ZSCAN5C: variants seen among roughly 807,000 people sequenced by gnomAD.
ZSCAN5C encodes zinc finger and SCAN domain-containing protein 5C.
In ZSCAN5C, 11 loss-of-function variants were observed where a neutral mutation model predicts 17.3. The ratio of observed to expected loss-of-function variants is 0.64; its 90% CI spans 0.40 to 1.06. The LOEUF (loss-of-function observed/expected upper bound fraction) is 1.06. ZSCAN5C is among the 50% of genes least tolerant of loss of function. The probability of loss-of-function intolerance (pLI) is 0.00; values close to 1 mark genes in which losing one functional copy is unlikely to be tolerated. For missense variants in ZSCAN5C, 698 were observed against 538.9 expected, an observed-to-expected ratio of 1.30 and a Z score of -2.92; for synonymous variants, 229 against 208.4, an observed-to-expected ratio of 1.10 and a Z score of -0.85.
chr19:56,208,719 G>A (rs1295845454), exon 5 of ZSCAN5C: 20 of 1,612,266 alleles, frequency 1.2e-5, no homozygotes, highest in Non-Finnish European at 1.5e-5. Context: ...CATTCCCCAG[G>A]CCCTGCGGGC....
exon 5 of ZSCAN5C, chr19:56,208,804 T>G: frequency 1.3e-6 from 2 of 1,572,484 alleles, no homozygotes; most frequent in Non-Finnish European, 1.7e-6. Flanking sequence ...GCAAGAGGTT[T>G]AAGTATCGCG....
chr19:56,209,358 C>CG (rs1382174007), downstream of ZSCAN5C: 2 of 488,762 alleles, frequency 4.1e-6, no homozygotes, highest in African/African-American at 2.0e-5. Context: ...TTTTCCTCCC[C>CG]GGGGGAATTT....
At chr19:56,205,950 G>C (rs2032915270) in exon 2 of ZSCAN5C, 1 of 1,367,952 alleles carries the variant, frequency 7.3e-7, no homozygotes, top group South Asian at 1.2e-5. Context: ...GAGTCTAGGA[G>C]AATCCTGCAA....
At chr19:56,207,059 T>C in exon 3 of ZSCAN5C, 1 of 715,864 alleles carries the variant, frequency 1.4e-6, no homozygotes, top group Admixed American at 2.0e-5. Flanking sequence ...CTCTCTATAG[T>C]CTGTAGTCAG....
chr19:56,206,917 C>G (rs1328656513), intron 2 of ZSCAN5C, 142 bp from the exon 3 acceptor site: 8 of 587,448 alleles, frequency 1.4e-5, no homozygotes, highest in Non-Finnish European at 2.1e-5. Flanking sequence ...GAAAAAAGTT[C>G]ACACAGAGCT....
chr19:56,209,371 G>T (rs760524503), downstream of ZSCAN5C: 48 of 504,750 alleles, frequency 9.5e-5, no homozygotes, highest in South Asian at 7.3e-4. Context: ...GGGAATTTTG[G>T]TTTTTGTTTC....
intron 3 of ZSCAN5C, 136 bp from the exon 4 acceptor site, chr19:56,207,898 T>C (rs916678925): frequency 1.2e-5 from 7 of 603,184 alleles, no homozygotes; most frequent in African/African-American, 3.7e-5. Context: ...GGGAGAAATA[T>C]GCCCAGAGAA....
chr19:56,209,046 A>G (rs1479291847), exon 5 of ZSCAN5C: 4 of 1,610,882 alleles, frequency 2.5e-6, no homozygotes, highest in Non-Finnish European at 2.5e-6. Flanking sequence ...AAAGACTGCA[A>G]GAAAGTTTTC....
rs1296740851 is a variant in ZSCAN5C, at chr19:56,205,773, T to C, written c.-127-14T>C. On this transcript the variant is annotated splice_polypyrimidine_tract_variant and intron_variant, in intron 1 of 4. Coordinates refer to ENST00000534327, the Ensembl canonical transcript of ZSCAN5C. ...TAGAAACTTTAACAGAGCTCATGCT[T>C]TTTTTCCCTGCAGACTTCTGAATGA... 1.0e-5 allele frequency: 6 copies of C among 586,166 alleles called. No individual in the cohort carries two copies. The highest frequency in any genetic ancestry group is 1.8e-5 in the Non-Finnish European group (6 of 330,064). The allele number at this position is 586,166 out of a possible 1,614,324, so 36.3% of individuals were successfully genotyped here. A position where few individuals can be genotyped will look rare whatever the true frequency, so the allele number is the denominator to read the frequency against.
chr19:56,202,465 T>G (rs73617586), intron 1 of ZSCAN5C, 143 bp downstream of exon 1: 1 of 151,974 alleles, frequency 6.6e-6, no homozygotes, highest in Non-Finnish European at 1.5e-5. Flanking sequence ...TATTTTTTCA[T>G]GCATTTGCCC....
At chr19:56,207,091 T>C in exon 3 of ZSCAN5C, 1 of 741,924 alleles carries the variant, frequency 1.3e-6, no homozygotes, top group Non-Finnish European at 2.5e-6. Flanking sequence ...AGGAATATCT[T>C]ATGCAGGAAT....
At chr19:56,208,781 T>C in exon 5 of ZSCAN5C, 4 of 1,591,060 alleles carry the variant, frequency 2.5e-6, no homozygotes, top group South Asian at 1.1e-5. Flanking sequence ...GCCCTTTGCA[T>C]GTGAGGTGTG....
chr19:56,208,900 A>G, exon 5 of ZSCAN5C: 1 of 1,604,540 alleles, frequency 6.2e-7, no homozygotes, highest in Non-Finnish European at 8.5e-7. Context: ...TGCAGCGCAT[A>G]GGCCTGCAAT....
intron 1 of ZSCAN5C, among the ~76,000 whole-genome samples, chr19:56,204,781 T>C (rs1217672165): frequency 1.3e-5 from 2 of 151,864 alleles, no homozygotes; most frequent in Non-Finnish European, 2.9e-5. Flanking sequence ...GCCAGTTTTT[T>C]CTCCCCTCTG....
At chr19:56,202,591 A>G (rs551915386) in intron 1 of ZSCAN5C, among the ~76,000 whole-genome samples, 6 of 151,890 alleles carry the variant, frequency 4.0e-5, no homozygotes, top group African/African-American at 1.5e-4. Context: ...GTTAGGCTAC[A>G]TTTTATTTTT....
intron 1 of ZSCAN5C, among the ~76,000 whole-genome samples, chr19:56,204,411 C>T (rs1490602058): frequency 6.6e-6 from 1 of 151,574 alleles, no homozygotes; most frequent in East Asian, 1.9e-4. Context: ...GCCACTCTAG[C>T]AGGCGTGAGG....
At chr19:56,204,209 T>G (rs1181195521) in intron 1 of ZSCAN5C, among the ~76,000 whole-genome samples, 1 of 151,358 alleles carries the variant, frequency 6.6e-6, no homozygotes, top group African/African-American at 2.5e-5. Flanking sequence ...ACGTCCTGAT[T>G]TCCTTTCCTC....
exon 3 of ZSCAN5C, chr19:56,207,206 C>G (rs2032932423): frequency 1.3e-6 from 1 of 778,388 alleles, no homozygotes; most frequent in East Asian, 2.4e-5. Flanking sequence ...GGAGGAAGGC[C>G]AGGCCAGCCA....
At chr19:56,207,003 T>C (rs1460720630) in intron 2 of ZSCAN5C, 56 bp from the exon 3 acceptor site, 3 of 678,420 alleles carry the variant, frequency 4.4e-6, no homozygotes, top group South Asian at 1.6e-5. Context: ...CCAGGGAATA[T>C]GAGAGCTACT....
Sources: allele counts gnomAD v4.1 joint callset (sites outside exome capture counted in the v4.1 genomes callset), GRCh38; gene constraint gnomAD v4.1.1; transcripts MANE v1.5; gene names NCBI Gene and HGNC (gene_info 2026-07-23, HGNC 2026-07-21).